The following PLEKHH1 variants were observed in gnomAD, a reference collection of about 807,000 sequenced individuals.
PLEKHH1 encodes pleckstrin homology, MyTH4 and FERM domain containing H1.
In PLEKHH1, 104 loss-of-function variants were observed where a neutral mutation model predicts 160.0. The observed-to-expected ratio is 0.65, with a 90% confidence interval of 0.55 to 0.76. The LOEUF is 0.76. Ranked by LOEUF, PLEKHH1 falls within the 30% of genes least tolerant of loss-of-function variation. The pLI is 0.00. For missense variants in PLEKHH1, 1,427 were observed against 1,724.1 expected (o/e 0.83, Z 3.05); for synonymous variants, 619 against 678.4 (o/e 0.91, Z 1.36).
At chr14:67,541,198 C>T (rs1678294953) in intron 1 of PLEKHH1, among the ~76,000 whole-genome samples, 2 of 152,080 alleles carry the variant, frequency 1.3e-5, no homozygotes, top group Non-Finnish European at 2.9e-5. Flanking sequence ...CCATTTTTTT[C>T]TCATCTAACA....
intron 28 of PLEKHH1, 180 bp downstream of exon 28, chr14:67,586,277 C>A: frequency 9.2e-7 from 1 of 1,089,216 alleles, no homozygotes; most frequent in Non-Finnish European, 1.4e-6. Flanking sequence ...TATCAATGTT[C>A]AGCTAGTAGG....
At chr14:67,571,620 C>G in intron 9 of PLEKHH1, 132 bp from the exon 10 acceptor site, 1 of 801,506 alleles carries the variant, frequency 1.2e-6, no homozygotes, top group Non-Finnish European at 2.1e-6. Context: ...TTACACTGGA[C>G]AGTTGTCTGT....
At chr14:67,544,975 T>TGAG (rs1204891417) in intron 2 of PLEKHH1, among the ~76,000 whole-genome samples, 1 of 152,258 alleles carries the variant, frequency 6.6e-6, no homozygotes, top group Non-Finnish European at 1.5e-5. Context: ...GGAAACAGAA[T>TGAG]GAGTCTAACC....
At chr14:67,581,258 G>T (rs573835792) in intron 23 of PLEKHH1, among the ~76,000 whole-genome samples, 1 of 142,406 alleles carries the variant, frequency 7.0e-6, no homozygotes, top group Admixed American at 7.2e-5. Context: ...TATACTGCGT[G>T]TGCGTGTGTG....
intron 28 of PLEKHH1, chr14:67,586,807 T>C (rs775396871): frequency 7.0e-7 from 1 of 1,429,994 alleles, no homozygotes; most frequent in Non-Finnish European, 9.2e-7. Flanking sequence ...TCCCTGGTTG[T>C]AGAGCTAACC....
intron 24 of PLEKHH1, among the ~76,000 whole-genome samples, chr14:67,583,121 A>G (rs112426553): frequency 6.6e-6 from 1 of 152,216 alleles, no homozygotes; most frequent in Non-Finnish European, 1.5e-5. Context: ...AAAATTAAAA[A>G]TTTTTAAAAA....
Position 67,589,167 on chromosome 14 carries a change from A to C in PLEKHH1, c.*1932A>C. ...GAGTTTAGAAGAAAAGTAGGAGTCC[A>C]AAGGAAGAGTAAACAAGAATGGAGC... On this transcript the variant is annotated 3_prime_UTR_variant, in exon 29 of 29. Transcript: ENST00000329153. The C allele has an allele frequency of 5.8e-6, 1 of 173,566 alleles. No homozygotes were observed. Among genetic ancestry groups the C allele is most frequent in the Non-Finnish European group, 1.1e-5 (1 of 87,458 alleles). The allele number at this position is 173,566 out of a possible 1,614,324, so 10.8% of individuals were successfully genotyped here. A position where few individuals can be genotyped will look rare whatever the true frequency, so the allele number is the denominator to read the frequency against.
At chr14:67,562,990 G>A in intron 7 of PLEKHH1, 96 bp downstream of exon 7, 3 of 1,276,166 alleles carry the variant, frequency 2.4e-6, no homozygotes, top group Admixed American at 5.1e-5. Context: ...AGAGGAGGCT[G>A]CTGGCATCCT....
At chr14:67,568,546 C>T (rs1255578043) in intron 7 of PLEKHH1, among the ~76,000 whole-genome samples, 7 of 151,998 alleles carry the variant, frequency 4.6e-5, no homozygotes, top group Admixed American at 3.3e-4. Context: ...CCATGACACA[C>T]GTTTACCTAC....
At chr14:67,585,251 C>T (rs149323374) in intron 26 of PLEKHH1, 16 of 243,392 alleles carry the variant, frequency 6.6e-5, no homozygotes, top group Admixed American at 1.6e-4. Flanking sequence ...CTAGGGCTGG[C>T]CTCTATTCTG....
intron 2 of PLEKHH1, among the ~76,000 whole-genome samples, chr14:67,553,322 T>G (rs937587021): frequency 6.6e-6 from 1 of 152,156 alleles, no homozygotes; most frequent in Admixed American, 6.5e-5. Context: ...CATTTTATTC[T>G]TGAAAAAGAA....
In PLEKHH1 at chr14:67,562,792, G is replaced by C; in HGVS notation, c.1161G>C (p.Lys387Asn). The C allele has an allele frequency of 6.2e-7, 1 of 1,613,824 alleles. No individual in the cohort carries two copies. ...TGGAGGAGCCACCCCCAGCAGGGAA[G>C]AATGAGGAAAGAGAGAGCCCAAAGG... ...MEMEEPPPAG[K>N]NEERESPKAL... Residue 387 changes from lysine to asparagine, a missense_variant, in exon 7 of 29, where the codon AAG becomes AAC. Lys to Asn is a moderately conservative substitution (Grantham distance 94). Coordinates refer to ENST00000329153, the MANE Select transcript of PLEKHH1 (RefSeq NM_020715.3).
chr14:67,577,954 G>T, intron 18 of PLEKHH1, 69 bp from the exon 19 acceptor site: 1 of 1,454,368 alleles, frequency 6.9e-7, no homozygotes, highest in Non-Finnish European at 9.4e-7. Context: ...TTGGAAAATG[G>T]CCAAGCCGTT....
chr14:67,543,979 T>C lies in PLEKHH1; in HGVS notation c.126+1986T>C, dbSNP rs568625583. 7.8e-4 allele frequency among the ~76,000 whole-genome samples: 118 copies of C among 152,120 alleles called. 5 individuals carry two copies. Among genetic ancestry groups the C allele is most frequent in the African/African-American group, 4.1e-4 (17 of 41,490 alleles). On this transcript the variant is annotated intron_variant, in intron 2 of 28. Transcript: ENST00000329153. The stretch of plus-strand genomic sequence containing the variant: ...TGTGTGACTGGCCTCCCTAGAGTAA[T>C]GTAAGGTTTGAAGTTAGAGTTTTAA...
At position 67,576,299 on chromosome 14, in the gene PLEKHH1, C is replaced by T; in HGVS notation, c.2353-96C>T. 1.5e-6 allele frequency: 1 copy of T among 683,140 alleles called. No individual in the cohort carries two copies. The highest frequency in any genetic ancestry group is 2.5e-6 in the Non-Finnish European group (1 of 398,190). 42.3% of individuals were successfully genotyped at this position (683,140 alleles called of 1,614,324 possible). On this transcript the variant is annotated intron_variant, in intron 16 of 28. Transcript: ENST00000329153. The surrounding 1 kb of genome is among the most constrained non-coding windows in gnomAD (Gnocchi z 4.0). Reference sequence around the variant, plus strand: ...CATGCCAACCAAACTAGCTGAACCCCACATGGGCTTGGTCCCTTCAAGGAG... The same window carrying T: ...CATGCCAACCAAACTAGCTGAACCCTACATGGGCTTGGTCCCTTCAAGGAG...
At chr14:67,568,531 G>A (rs1326906833) in intron 7 of PLEKHH1, among the ~76,000 whole-genome samples, 3 of 151,986 alleles carry the variant, frequency 2.0e-5, no homozygotes, top group Non-Finnish European at 4.4e-5. Flanking sequence ...AGGTGCAGTA[G>A]ACCACCATGA....
chr14:67,572,085 G>A (rs761525791), intron 10 of PLEKHH1, 50 bp from the exon 11 acceptor site: 1 of 1,570,568 alleles, frequency 6.4e-7, no homozygotes, highest in Non-Finnish European at 8.6e-7. Context: ...TGGGCTGCGT[G>A]AGTCGGGGAG....
chr14:67,572,982 G>A (rs1374020429), intron 11 of PLEKHH1, among the ~76,000 whole-genome samples: 1 of 152,146 alleles, frequency 6.6e-6, no homozygotes, highest in Non-Finnish European at 1.5e-5. Context: ...CTCTCCTGAC[G>A]CTCTCCCTGG....
chr14:67,563,240 T>C (rs551621978), intron 7 of PLEKHH1, among the ~76,000 whole-genome samples: 7 of 152,248 alleles, frequency 4.6e-5, no homozygotes, highest in East Asian at 3.9e-4. Context: ...ACCACTAGGG[T>C]TGAACTGTTA....
Sources: gnomAD v4.1 joint callset for allele counts (sites outside exome capture counted in the v4.1 genomes callset) on GRCh38, gnomAD v4.1.1 for gene constraint, Gnocchi (gnomAD v3.1) non-coding constraint, MANE v1.5 for transcripts, NCBI Gene and HGNC (gene_info 2026-07-23, HGNC 2026-07-21) for gene names.